Variants in ZFTA observed in about 807,000 individuals in gnomAD.
The protein encoded by ZFTA is zinc finger translocation-associated protein.
In ZFTA, 35 loss-of-function variants were observed where a neutral mutation model predicts 41.8. That is an observed-to-expected ratio of 0.84 (90% CI 0.64 to 1.11). The LOEUF (loss-of-function observed/expected upper bound fraction) is 1.11, where lower values mean the gene tolerates loss of function less well. Ranked by LOEUF, ZFTA falls within the 50% of genes most tolerant of loss-of-function variation. ZFTA has a pLI of 0.00. For missense variants in ZFTA, 964 were observed against 989.8 expected (o/e 0.97, Z 0.35); for synonymous variants, 514 against 436.4 (o/e 1.18, Z -2.22).
rs2014706847 is a variant in ZFTA at position 63,764,288 on chromosome 11, C to T, written c.1335G>A (p.Ala445=). 2.1e-6 allele frequency: 3 copies of T among 1,455,562 alleles called. No individual in the cohort carries two copies. The highest frequency in any genetic ancestry group is 2.6e-5 in the Admixed American group (1 of 39,168). The allele number at this position is 1,455,562 out of a possible 1,614,324, so 90.2% of individuals were successfully genotyped here. A position where few individuals can be genotyped will look rare whatever the true frequency, so the allele number is the denominator to read the frequency against. ...RGLVCGVCGG[A]LASLKMSTIE... ...TGGTGCTCATCTTGAGCGAGGCCAG[C>T]GCGCCCCCGCACACCCCGCACACCA... The change falls in exon 4 of 5, where the codon GCG becomes GCA. Residue 445 remains alanine, a synonymous_variant. Coordinates refer to ENST00000433688, the MANE Select transcript of ZFTA (RefSeq NM_001144936.2).
chr11:63,766,557 T>A (rs542125674), intron 1 of ZFTA, among the ~76,000 whole-genome samples: 1 of 152,234 alleles, frequency 6.6e-6, no homozygotes, highest in African/African-American at 2.4e-5. Context: ...CTCTGACTTT[T>A]TAAAAAATAA....
At position 63,764,093 on chromosome 11, in the gene ZFTA, G is replaced by A. The variant is rs1259330950; in HGVS notation, c.1530C>T (p.Ser510=). 1.5e-6 allele frequency: 2 copies of A among 1,343,684 alleles called. No individual in the cohort carries two copies. The highest frequency in any genetic ancestry group is 2.8e-4 in the Middle Eastern group (1 of 3,608). The allele number at this position is 1,343,684 out of a possible 1,614,324, so 83.2% of individuals were successfully genotyped here. The change falls in exon 4 of 5, where the codon TCC becomes TCT. Residue 510 remains serine (S), a synonymous_variant. Transcript: ENST00000433688. ...CCTCCTCGTCCCCTCCCCCCTCGTC[G>A]GAGGCTGCGGCAGTGCCGGGGGGGA... ...GPIPPGTAAA[S]DEGGGDEEEE...
At chr11:63,764,759 C>T (rs1317385510) in intron 3 of ZFTA, 109 bp downstream of exon 3, 1 of 1,397,318 alleles carries the variant, frequency 7.2e-7, no homozygotes, top group Non-Finnish European at 9.3e-7. Context: ...GGAGCACCAG[C>T]TCCTGGCCTT....
Position 63,765,302 on chromosome 11 carries a change from A to G in ZFTA, c.638-48T>C. On this transcript the variant is annotated intron_variant, in intron 2 of 4. Transcript: ENST00000433688. This position sits in a 1 kb window ranked among gnomAD's most constrained non-coding sequence, Gnocchi z 4.0. The stretch of plus-strand genomic sequence containing the variant: ...ACTGAGACGCTGGCCCCACGGGAGC[A>G]TACCCACTACAGCCAGGTCTCCCAC... 7.1e-7 allele frequency: 1 copy of G among 1,418,376 alleles called. No homozygotes were observed. The allele number at this position is 1,418,376 out of a possible 1,614,324, so 87.9% of individuals were successfully genotyped here.
intron 1 of ZFTA, among the ~76,000 whole-genome samples, chr11:63,768,054 C>T (rs563645711): frequency 1.3e-5 from 2 of 152,254 alleles, no homozygotes; most frequent in African/African-American, 4.8e-5. Context: ...CGGAGCTGAG[C>T]TCAGCTCCGC....
chr11:63,768,416 C>T (rs1166922645), intron 1 of ZFTA, 68 bp downstream of exon 1: 4 of 977,916 alleles, frequency 4.1e-6, no homozygotes, highest in African/African-American at 1.8e-5. Context: ...CGGAGAGGGG[C>T]CCCGAGCCGC....
In ZFTA at chr11:63,760,736, G is replaced by T. The variant is rs562116096; in HGVS notation, c.*2682C>A. 6.6e-6 allele frequency: 1 copy of T among 152,294 alleles called. No homozygotes were observed. The highest frequency in any genetic ancestry group is 2.4e-5 in the African/African-American group (1 of 41,538). The allele number at this position is 152,294 out of a possible 1,614,324, so 9.4% of individuals were successfully genotyped here. A position where few individuals can be genotyped will look rare whatever the true frequency, so the allele number is the denominator to read the frequency against. On this transcript the variant is annotated 3_prime_UTR_variant, in exon 5 of 5. Transcript: ENST00000433688. ...CAGCCCTTCCCTTTCACTGGTGCCCGGCACTTCAGCTGCATCAAGATCAAT... is the reference window on the plus strand; with the variant it reads ...CAGCCCTTCCCTTTCACTGGTGCCCTGCACTTCAGCTGCATCAAGATCAAT...
rs575257586 is a variant in ZFTA at position 63,762,445 on chromosome 11, C to A, written c.*973G>T. Reference sequence around the variant, plus strand: ...GGGGCCCCATCCCTGCCACACAGGGCCTGCGGCTGCCACGGGGAAAAGAGG... The same window carrying A: ...GGGGCCCCATCCCTGCCACACAGGGACTGCGGCTGCCACGGGGAAAAGAGG... On this transcript the variant is annotated 3_prime_UTR_variant, in exon 5 of 5. Coordinates refer to ENST00000433688, the MANE Select transcript of ZFTA (RefSeq NM_001144936.2). 6.6e-6 allele frequency: 1 copy of A among 152,392 alleles called. No homozygotes were observed. The highest frequency in any genetic ancestry group is 2.1e-4 in the South Asian group (1 of 4,832). The allele number at this position is 152,392 out of a possible 1,614,324, so 9.4% of individuals were successfully genotyped here.
Position 63,764,270 on chromosome 11 carries a change from C to T in ZFTA, c.1353G>A (p.Met451Ile). 6.8e-7 allele frequency: 1 copy of T among 1,462,176 alleles called. No individual in the cohort carries two copies. Among genetic ancestry groups the T allele is most frequent in the Middle Eastern group, 2.3e-4 (1 of 4,264 alleles). 90.6% of individuals were successfully genotyped at this position (1,462,176 alleles called of 1,614,324 possible). Residue 451 changes from methionine to isoleucine, a missense_variant, in exon 4 of 5, where the codon ATG (methionine) becomes ATA (isoleucine). Coordinates refer to ENST00000433688, the MANE Select transcript of ZFTA (RefSeq NM_001144936.2). ...VCGGALASLK[M>I]STIERHIRRR... The stretch of plus-strand genomic sequence containing the variant: ...GGCGGATGTGGCGCTCGATGGTGCT[C>T]ATCTTGAGCGAGGCCAGCGCGCCCC...
intron 1 of ZFTA, among the ~76,000 whole-genome samples, chr11:63,768,074 GCCCCCGAAGGGGA>G (rs1565060133): frequency 6.6e-6 from 1 of 152,144 alleles, no homozygotes; most frequent in Non-Finnish European, 1.5e-5. Flanking sequence ...CTGGGGAAAA[GCCCCCGAAGGGGA>G]CCCAGGGTCT....
In ZFTA at chr11:63,768,735, C is replaced by T. The variant is rs1454611365; in HGVS notation, c.-113G>A. 3.1e-6 allele frequency: 1 copy of T among 320,142 alleles called. No individual in the cohort carries two copies. The highest frequency in any genetic ancestry group is 4.4e-6 in the Non-Finnish European group (1 of 224,830). The allele number at this position is 320,142 out of a possible 1,614,324, so 19.8% of individuals were successfully genotyped here. On this transcript the variant is annotated 5_prime_UTR_variant, in exon 1 of 5. The change creates a new upstream start codon in the 5' untranslated region. Coordinates refer to ENST00000433688, the MANE Select transcript of ZFTA (RefSeq NM_001144936.2). ...GGCCCCGGGGCGCGGGGCGCATGCA[C>T]GGGGCGGCCGGCCGCACGGACGGCA...
Position 63,764,077 on chromosome 11 carries a change from C to T in ZFTA, c.1546G>A (p.Asp516Asn), listed in dbSNP as rs2014701642. The T allele has an allele frequency of 1.6e-5, 22 of 1,346,908 alleles. No individual in the cohort carries two copies. The highest frequency in any genetic ancestry group is 2.1e-5 in the Non-Finnish European group (22 of 1,054,428). The allele number at this position is 1,346,908 out of a possible 1,614,324, so 83.4% of individuals were successfully genotyped here. A position where few individuals can be genotyped will look rare whatever the true frequency, so the allele number is the denominator to read the frequency against. Residue 516 changes from aspartate (D) to asparagine (N), a missense_variant, in exon 4 of 5, where the codon GAC (aspartate) becomes AAC (asparagine). This residue lies in a region of ZFTA where 584 missense variants were observed against 523.1 expected (regional missense o/e 1.12). Transcript: ENST00000433688. ...TAAASDEGGG[D>N]EEEEPEEEEE... ...TCCTCCTCTGGCTCCTCCTCCTCGT[C>T]CCCTCCCCCCTCGTCGGAGGCTGCG...
At chr11:63,763,991 C>G in intron 4 of ZFTA, 47 bp downstream of exon 4, 1 of 1,304,688 alleles carries the variant, frequency 7.7e-7, no homozygotes, top group South Asian at 1.8e-5. Context: ...TCTGCCCCAG[C>G]AACTGCCCGG....
rs1590908864 is a variant in ZFTA, at chr11:63,763,244, G to T, written c.*174C>A. On this transcript the variant is annotated 3_prime_UTR_variant, in exon 5 of 5. Transcript: ENST00000433688. Reference sequence around the variant, plus strand: ...GGGACCCAAGTGGCACCGCGCAGACGCCGGTGGCCCCACCCGATCCCCCGT... The same window carrying T: ...GGGACCCAAGTGGCACCGCGCAGACTCCGGTGGCCCCACCCGATCCCCCGT... 3.4e-6 allele frequency: 1 copy of T among 293,626 alleles called. No homozygotes were observed. The highest frequency in any genetic ancestry group is 5.7e-6 in the Non-Finnish European group (1 of 176,820). 18.2% of individuals were successfully genotyped at this position (293,626 alleles called of 1,614,324 possible).
Position 63,765,747 on chromosome 11 carries a change from C to T in ZFTA, c.637+60G>A. On this transcript the variant is annotated intron_variant, in intron 2 of 4. Transcript: ENST00000433688. This position sits in a 1 kb window ranked among gnomAD's most constrained non-coding sequence, Gnocchi z 4.0. Reference sequence around the variant, plus strand: ...ACCAGCTCCTTGGCAGAGCAGCTGGCCCACTGTGCCCCACTGGCCACCCAG... The same window carrying T: ...ACCAGCTCCTTGGCAGAGCAGCTGGTCCACTGTGCCCCACTGGCCACCCAG... The T allele has an allele frequency of 7.0e-7, 1 of 1,429,186 alleles. No homozygotes were observed. 88.5% of individuals were successfully genotyped at this position (1,429,186 alleles called of 1,614,324 possible).
At chr11:63,764,723 T>TG (rs1164862508) in intron 3 of ZFTA, 125 bp from the exon 4 acceptor site, 8 of 1,351,890 alleles carry the variant, frequency 5.9e-6, no homozygotes, top group Admixed American at 3.5e-5. Flanking sequence ...TGTCTCTGTC[T>TG]GGGGGCAGGG....
intron 1 of ZFTA, among the ~76,000 whole-genome samples, chr11:63,768,219 T>C (rs2014778415): frequency 1.3e-5 from 2 of 151,152 alleles, no homozygotes; most frequent in African/African-American, 4.9e-5. Context: ...CCCTCGGGCC[T>C]GGCCCCCAAG....
chr11:63,768,538 G>C lies in ZFTA; in HGVS notation c.85C>G (p.Arg29Gly). The change falls in exon 1 of 5, where the codon CGG (arginine) becomes GGG (glycine). Residue 29 changes from arginine to glycine, a missense_variant. Transcript: ENST00000433688. ...CCGCTCGATCCGGCGGGCGGCAGCC[G>C]TCGGCCCCGTGCCGAGGCCACTGCT... ...GPAVASARGR[R>G]LPPAGSSGSA... is the part of the protein sequence containing the mutation. The C allele has an allele frequency of 8.6e-7, 1 of 1,164,778 alleles. No homozygotes were observed. Among genetic ancestry groups the C allele is most frequent in the African/African-American group, 1.7e-5 (1 of 59,612 alleles). The allele number at this position is 1,164,778 out of a possible 1,614,324, so 72.2% of individuals were successfully genotyped here.
At position 63,764,444 on chromosome 11, in the gene ZFTA, C is replaced by T. The variant is rs1188431450; in HGVS notation, c.1179G>A (p.Glu393=). 1 of 1,258,752 alleles carries T rather than the reference C, an allele frequency of 7.9e-7. No homozygotes were observed. Among genetic ancestry groups the T allele is most frequent in the Non-Finnish European group, 1.0e-6 (1 of 1,000,306 alleles). 78.0% of individuals were successfully genotyped at this position (1,258,752 alleles called of 1,614,324 possible). A position where few individuals can be genotyped will look rare whatever the true frequency, so the allele number is the denominator to read the frequency against. ...CCCTCTCGCCCTCGCCCTCCTCCAG[C>T]TCCTCCTCCTCCTCTGCGGGCCCGG... The part of the protein sequence containing the change: ...ERPGPAEEEE[E]LEEGEGERAG... The change falls in exon 4 of 5, where the codon GAG becomes GAA. Residue 393 remains glutamate, a synonymous_variant. Coordinates refer to ENST00000433688, the MANE Select transcript of ZFTA (RefSeq NM_001144936.2).
Sources: allele counts gnomAD v4.1 joint callset (sites outside exome capture counted in the v4.1 genomes callset), GRCh38; gene constraint gnomAD v4.1.1; regional missense constraint gnomAD v4.1.1; non-coding constraint Gnocchi (gnomAD v3.1); transcripts MANE v1.5; gene names NCBI Gene and HGNC (gene_info 2026-07-23, HGNC 2026-07-21).